CDH4: variants seen among roughly 807,000 people sequenced by gnomAD.
The protein encoded by CDH4 is cadherin-4.
Under a neutral mutation model 86.0 loss-of-function variants are expected in CDH4, and 33 were observed. That is an observed-to-expected ratio of 0.38 (90% CI 0.29 to 0.51). The LOEUF is 0.51. CDH4 is among the 20% of genes least tolerant of loss of function. The probability of loss-of-function intolerance (pLI) is 0.86; values close to 1 mark genes in which losing one functional copy is unlikely to be tolerated. For missense variants in CDH4, 1,114 were observed against 1,307.4 expected (o/e 0.85, Z 2.28); for synonymous variants, 555 against 549.4 (o/e 1.01, Z -0.14).
intron 4 of CDH4, among the ~76,000 whole-genome samples, chr20:61,779,757 G>A (rs1055568244): frequency 6.6e-6 from 1 of 152,250 alleles, no homozygotes; most frequent in Non-Finnish European, 1.5e-5. Context: ...TTCAGCAAAT[G>A]AGTGATGCCC....
chr20:61,446,253 C>G (rs1397120353), intron 2 of CDH4, among the ~76,000 whole-genome samples: 1 of 152,170 alleles, frequency 6.6e-6, no homozygotes, highest in Non-Finnish European at 1.5e-5. Context: ...TTCTTATAAA[C>G]TTATTTCTAC....
intron 6 of CDH4, among the ~76,000 whole-genome samples, chr20:61,870,573 C>G (rs75939149): frequency 0.011 from 1,619 of 152,272 alleles, 36 homozygotes; most frequent in African/African-American, 0.036. Context: ...GCTACTGGGC[C>G]CCTTTCTGCG....
intron 2 of CDH4, among the ~76,000 whole-genome samples, chr20:61,404,210 T>G (rs1182721099): frequency 3.3e-5 from 5 of 152,040 alleles, no homozygotes; most frequent in South Asian, 2.1e-4. Flanking sequence ...AGGGCACATT[T>G]CTTCTCCTTG....
rs1279154484 is a variant in CDH4 at position 61,501,480 on chromosome 20, A to G, written c.170-242083A>G. ...GTGGGAAGAATTTATTAGGTGAGCG[A>G]TGTAGCTGGAACGAGGCCTGGCTGA... is the stretch of plus-strand genomic sequence containing the variant. On this transcript the variant is annotated intron_variant, in intron 2 of 15. Coordinates refer to ENST00000614565, the MANE Select transcript of CDH4 (RefSeq NM_001794.5). The surrounding 1 kb of genome is among the most constrained non-coding windows in gnomAD (Gnocchi z 4.2). Among the ~76,000 whole-genome samples the G allele has an allele frequency of 6.6e-6, 1 of 152,096 alleles. No homozygotes were observed. The highest frequency in any genetic ancestry group is 6.5e-5 in the Admixed American group (1 of 15,280).
chr20:61,367,536 C>T (rs968327358), intron 2 of CDH4, among the ~76,000 whole-genome samples: 3 of 151,668 alleles, frequency 2.0e-5, no homozygotes, highest in African/African-American at 4.8e-5. Flanking sequence ...CTGACCCAAC[C>T]TTGAGCAGCT....
At chr20:61,258,344 A>AAAAAAAT (rs1568770395) in intron 2 of CDH4, among the ~76,000 whole-genome samples, 1 of 118,310 alleles carries the variant, frequency 8.5e-6, no homozygotes, top group Non-Finnish European at 1.8e-5. Context: ...AAAAAAAAAA[A>AAAAAAAT]AGAAAAAAAA....
chr20:61,857,911 CTGTG>C (rs537135124), intron 6 of CDH4, among the ~76,000 whole-genome samples: 2,668 of 151,544 alleles, frequency 0.018, 77 homozygotes, highest in African/African-American at 0.061. Flanking sequence ...CTGTGTGCAT[CTGTG>C]TGTGTGTCAG....
chr20:61,375,431 T>C (rs2084861642), intron 2 of CDH4, among the ~76,000 whole-genome samples: 1 of 151,782 alleles, frequency 6.6e-6, no homozygotes, highest in Non-Finnish European at 1.5e-5. Context: ...GTGCTGGTGG[T>C]GGTCTTGGTG....
At chr20:61,471,595 G>A (rs1023376250) in intron 2 of CDH4, among the ~76,000 whole-genome samples, 2 of 151,236 alleles carry the variant, frequency 1.3e-5, no homozygotes, top group African/African-American at 4.9e-5. Flanking sequence ...TCTTTAAGAT[G>A]CATTGTTAGG....
At chr20:61,815,752 GT>G (rs1980684148) in intron 4 of CDH4, among the ~76,000 whole-genome samples, 1 of 152,186 alleles carries the variant, frequency 6.6e-6, no homozygotes. Flanking sequence ...AGGAACACCG[GT>G]TTTCTGATTT....
At chr20:61,478,740 T>C (rs2085553290) in intron 2 of CDH4, among the ~76,000 whole-genome samples, 1 of 152,236 alleles carries the variant, frequency 6.6e-6, no homozygotes, top group Admixed American at 6.5e-5. Flanking sequence ...ACCTAGAAAC[T>C]ATGTTTCATT....
At chr20:61,523,042 G>C (rs879051597) in intron 2 of CDH4, among the ~76,000 whole-genome samples, 1 of 152,228 alleles carries the variant, frequency 6.6e-6, no homozygotes, top group Admixed American at 6.5e-5. Context: ...GGAGCAGGAG[G>C]GAGGGTGCCA....
intron 2 of CDH4, among the ~76,000 whole-genome samples, chr20:61,278,391 G>A (rs749739421): frequency 6.6e-6 from 1 of 152,226 alleles, no homozygotes; most frequent in Non-Finnish European, 1.5e-5. Context: ...GATAAGGAAT[G>A]GATGTGCTGG....
chr20:61,855,794 C>T (rs2146118616), intron 6 of CDH4, among the ~76,000 whole-genome samples: 1 of 152,354 alleles, frequency 6.6e-6, no homozygotes, highest in Admixed American at 6.5e-5. Flanking sequence ...AGCCAGAGGA[C>T]ATGTTGATGC....
intron 2 of CDH4, among the ~76,000 whole-genome samples, chr20:61,379,087 G>T (rs1409016084): frequency 6.6e-6 from 1 of 152,292 alleles, no homozygotes; most frequent in Non-Finnish European, 1.5e-5. Flanking sequence ...CGGGTAGGGG[G>T]TTGGGAAAAT....
At chr20:61,431,885 G>A (rs1600973111) in intron 2 of CDH4, among the ~76,000 whole-genome samples, 1 of 152,060 alleles carries the variant, frequency 6.6e-6, no homozygotes, top group African/African-American at 2.4e-5. Context: ...TGTAAATGGG[G>A]TAGTAGGGAA....
chr20:61,770,438 G>A (rs1156529488), intron 3 of CDH4, among the ~76,000 whole-genome samples: 1 of 152,230 alleles, frequency 6.6e-6, no homozygotes, highest in African/African-American at 2.4e-5. Flanking sequence ...CAGATAAAAT[G>A]AGCATCAACC....
intron 2 of CDH4, among the ~76,000 whole-genome samples, chr20:61,692,225 G>A (rs13041831): frequency 6.9e-6 from 1 of 145,516 alleles, no homozygotes; most frequent in Non-Finnish European, 1.5e-5. Flanking sequence ...ATGTATGTGT[G>A]TATGTGTGTG....
At chr20:61,315,712 T>C (rs1464065341) in intron 2 of CDH4, among the ~76,000 whole-genome samples, 2 of 151,490 alleles carry the variant, frequency 1.3e-5, no homozygotes, top group African/African-American at 2.4e-5. Flanking sequence ...TTCATTATCA[T>C]TTTTTGTTTA....
Sources: gnomAD v4.1 joint callset for allele counts (sites outside exome capture counted in the v4.1 genomes callset) on GRCh38, gnomAD v4.1.1 for gene constraint, Gnocchi (gnomAD v3.1) non-coding constraint, MANE v1.5 for transcripts, NCBI Gene and HGNC (gene_info 2026-07-23, HGNC 2026-07-21) for gene names.